Variants in CYP27A1 observed in about 807,000 individuals in gnomAD.
CYP27A1 encodes cytochrome P450 family 27 subfamily A member 1.
In CYP27A1, 46 loss-of-function variants were observed where a neutral mutation model predicts 58.2. That is an observed-to-expected ratio of 0.79 (90% CI 0.62 to 1.01). The LOEUF (loss-of-function observed/expected upper bound fraction) is 1.01, where lower values mean the gene tolerates loss of function less well. CYP27A1 is among the 50% of genes least tolerant of loss of function. CYP27A1 has a pLI of 0.00. For synonymous variants in CYP27A1, 274 were observed against 285.1 expected (o/e 0.96, Z 0.39); for missense variants, 704 against 687.0 (o/e 1.02, Z -0.28).
intron 1 of CYP27A1, among the ~76,000 whole-genome samples, chr2:218,791,025 G>A (rs1340395535): frequency 6.6e-6 from 1 of 152,008 alleles, no homozygotes; most frequent in Non-Finnish European, 1.5e-5. Context: ...TAATAGAGAC[G>A]GGGCTTCACC....
chr2:218,794,460 A>G (rs1267384461), intron 1 of CYP27A1, among the ~76,000 whole-genome samples: 1 of 152,168 alleles, frequency 6.6e-6, no homozygotes, highest in Non-Finnish European at 1.5e-5. Context: ...GTGAGAAGAG[A>G]CAAACCAGGT....
At position 218,814,086 on chromosome 2, in the gene CYP27A1, G is replaced by A. The variant is rs1215745374; in HGVS notation, c.1083G>A (p.Leu361=). The A allele has an allele frequency of 6.2e-7, 1 of 1,614,252 alleles. No individual in the cohort carries two copies. The highest frequency in any genetic ancestry group is 8.5e-7 in the Non-Finnish European group (1 of 1,180,044). Residue 361 remains leucine (L), a synonymous_variant, in exon 6 of 9, where the codon TTG becomes TTA. Coordinates refer to ENST00000258415, the MANE Select transcript of CYP27A1 (RefSeq NM_000784.4). ...AGGACCCTGAGATCCAGGAGGCCTT[G>A]CACGAGGAAGTGGTGGGTGTGGTGC... ...LSKDPEIQEA[L]HEEVVGVVPA... is the part of the protein sequence containing the mutation.
intron 1 of CYP27A1, among the ~76,000 whole-genome samples, chr2:218,797,567 C>G (rs1943559551): frequency 6.6e-6 from 1 of 152,110 alleles, no homozygotes; most frequent in Non-Finnish European, 1.5e-5. Flanking sequence ...TTCCAGAGAC[C>G]CTCTGAACCA....
Position 218,814,891 on chromosome 2 carries a change from A to T in CYP27A1, c.1477-20A>T, listed in dbSNP as rs757019811. ...GCAAACACACAATCCACCCAACCAC[A>T]TGTGCTCTTTACCCCCCAGCTGATC... On this transcript the variant is annotated intron_variant, in intron 8 of 8. Transcript: ENST00000258415. 3 of 1,614,160 alleles carry T rather than the reference A, an allele frequency of 1.9e-6. No homozygotes were observed. Among genetic ancestry groups the T allele is most frequent in the African/African-American group, 2.7e-5 (2 of 75,034 alleles).
chr2:218,806,194 A>G (rs568352727), intron 1 of CYP27A1, among the ~76,000 whole-genome samples: 5 of 152,256 alleles, frequency 3.3e-5, no homozygotes, highest in Admixed American at 6.5e-5. Context: ...AATGTTATAC[A>G]TAAGTTTACT....
At chr2:218,804,698 G>T (rs1943633705) in intron 1 of CYP27A1, among the ~76,000 whole-genome samples, 1 of 152,086 alleles carries the variant, frequency 6.6e-6, no homozygotes, top group Non-Finnish European at 1.5e-5. Context: ...ACTTATTTAG[G>T]TCTTTAATTT....
chr2:218,802,019 A>G (rs1217314031), intron 1 of CYP27A1, among the ~76,000 whole-genome samples: 1 of 143,262 alleles, frequency 7.0e-6, no homozygotes, highest in Non-Finnish European at 1.5e-5. Context: ...GGCACTCTTT[A>G]GGCCAGCAAT....
At chr2:218,803,877 C>T (rs1041824822) in intron 1 of CYP27A1, among the ~76,000 whole-genome samples, 1 of 151,556 alleles carries the variant, frequency 6.6e-6, no homozygotes, top group African/African-American at 2.4e-5. Context: ...GGACTACAAG[C>T]ATGCGCCACC....
intron 1 of CYP27A1, among the ~76,000 whole-genome samples, chr2:218,798,659 G>T (rs1943569102): frequency 1.3e-5 from 2 of 152,140 alleles, no homozygotes; most frequent in Admixed American, 1.3e-4. Context: ...GAGGCGGATG[G>T]ATCACTTGAG....
rs200457116 is a variant in CYP27A1 at position 218,814,196 on chromosome 2, G to A, written c.1184+9G>A. 1 of 1,614,228 alleles carries A rather than the reference G, an allele frequency of 6.2e-7. No homozygotes were observed. Among genetic ancestry groups the A allele is most frequent in the African/African-American group, 1.3e-5 (1 of 75,076 alleles). On this transcript the variant is annotated intron_variant, in intron 6 of 8. Coordinates refer to ENST00000258415, the MANE Select transcript of CYP27A1 (RefSeq NM_000784.4). The stretch of plus-strand genomic sequence containing the variant: ...CTTAAGGAGACTCTGCGGTAGGACA[G>A]AATGCTGTTCTGGGGGGCACAGGAT...
chr2:218,794,195 C>G (rs556532980), intron 1 of CYP27A1, among the ~76,000 whole-genome samples: 1 of 152,286 alleles, frequency 6.6e-6, no homozygotes, highest in African/African-American at 2.4e-5. Flanking sequence ...AGTGCGCGGA[C>G]CAGTCGGAGT....
At chr2:218,803,722 C>CTTTT (rs71040407) in intron 1 of CYP27A1, among the ~76,000 whole-genome samples, 35 of 57,780 alleles carry the variant, frequency 6.1e-4, no homozygotes, top group African/African-American at 1.6e-3. Context: ...GTGCCCCCGT[C>CTTTT]TTTTTTTTTT....
chr2:218,808,621 G>A (rs919275603), intron 1 of CYP27A1, among the ~76,000 whole-genome samples: 10 of 152,098 alleles, frequency 6.6e-5, no homozygotes, highest in African/African-American at 1.9e-4. Flanking sequence ...TACTGGAACC[G>A]ATTCTGATCC....
intron 1 of CYP27A1, among the ~76,000 whole-genome samples, chr2:218,798,954 C>T (rs913390472): frequency 2.6e-5 from 4 of 152,078 alleles, no homozygotes; most frequent in South Asian, 2.1e-4. Flanking sequence ...GATTACCCTC[C>T]GTAATGTAGG....
chr2:218,783,709 G>C (rs184932796), intron 1 of CYP27A1, among the ~76,000 whole-genome samples: 353 of 152,262 alleles, frequency 2.3e-3, no homozygotes, highest in African/African-American at 8.2e-3. Context: ...GAGGGAGGGG[G>C]CTTCGATTCG....
chr2:218,802,302 C>T (rs1943607693), intron 1 of CYP27A1, among the ~76,000 whole-genome samples: 1 of 148,228 alleles, frequency 6.7e-6, no homozygotes, highest in African/African-American at 2.5e-5. Flanking sequence ...ATAGAAGTAA[C>T]TTGCCTTGCT....
chr2:218,799,651 A>C (rs11675078), intron 1 of CYP27A1, among the ~76,000 whole-genome samples: 163 of 151,760 alleles, frequency 1.1e-3, no homozygotes, highest in Non-Finnish European at 2.2e-3. Flanking sequence ...CTCCATAATC[A>C]TGTGAGCCAA....
In CYP27A1 at chr2:218,809,775, G is replaced by T; in HGVS notation, c.446+8G>T. 6.2e-7 allele frequency: 1 copy of T among 1,611,376 alleles called. No individual in the cohort carries two copies. The highest frequency in any genetic ancestry group is 8.5e-7 in the Non-Finnish European group (1 of 1,178,090). On this transcript the variant is annotated splice_region_variant and intron_variant, in intron 2 of 8. Transcript: ENST00000258415. ...CTATGGGCCGTTCACCACGTGAGCT[G>T]GGGCCTGAAGGGACTGGAACAGGGC...
At position 218,782,265 on chromosome 2, in the gene CYP27A1, A is replaced by C. The variant is rs371449777; in HGVS notation, c.83A>C (p.Lys28Thr). ...RGLCPHGARA[K>T]AAIPAALPSD... is the part of the protein sequence containing the mutation. Reference sequence around the variant, plus strand: ...CTCTGCCCCCACGGGGCCAGAGCCAAGGCCGCGATCCCTGCCGCCCTCCCC... The same window carrying C: ...CTCTGCCCCCACGGGGCCAGAGCCACGGCCGCGATCCCTGCCGCCCTCCCC... Residue 28 changes from lysine (K) to threonine (T), a missense_variant, in exon 1 of 9, where the codon AAG becomes ACG. Coordinates refer to ENST00000258415, the MANE Select transcript of CYP27A1 (RefSeq NM_000784.4). The surrounding 1 kb of genome is among the most constrained non-coding windows in gnomAD (Gnocchi z 4.1). 8.7e-5 allele frequency: 137 copies of C among 1,566,480 alleles called. No individual in the cohort carries two copies. The highest frequency in any genetic ancestry group is 1.9e-4 in the Middle Eastern group (1 of 5,356).
Sources: allele counts gnomAD v4.1 joint callset (sites outside exome capture counted in the v4.1 genomes callset), GRCh38; gene constraint gnomAD v4.1.1; non-coding constraint Gnocchi (gnomAD v3.1); transcripts MANE v1.5; gene names NCBI Gene and HGNC (gene_info 2026-07-23, HGNC 2026-07-21).